Variants in ARMC5 observed in about 807,000 individuals in gnomAD.
ARMC5 encodes armadillo repeat containing 5, also known as armadillo repeat-containing protein 5.
ARMC5 carries 28 observed loss-of-function variants against 60.5 expected under a neutral mutation model. That is an observed-to-expected ratio of 0.46 (90% CI 0.34 to 0.63). ARMC5 has a LOEUF of 0.63. Among genes scored for constraint, ARMC5 ranks in the 30% least tolerant of loss-of-function variants. The probability of loss-of-function intolerance (pLI) is 0.01; values close to 1 mark genes in which losing one functional copy is unlikely to be tolerated. For synonymous variants in ARMC5, 680 were observed against 607.3 expected, an observed-to-expected ratio of 1.12 and a Z score of -1.76; for missense variants, 1,189 against 1,304.9, an observed-to-expected ratio of 0.91 and a Z score of 1.37.
rs538523414 is a variant in ARMC5, at chr16:31,465,786, C to T, written c.1865-64C>T. 13 of 1,597,168 alleles carry T rather than the reference C, an allele frequency of 8.1e-6. No homozygotes were observed. The Admixed American group carries it at 1.2e-4, about 15-fold the overall frequency. ...TCCTTCATCTCACGGGCCCAGAGCC[C>T]TGTCTCACTCACCCCACCTGTCTTA... is the stretch of plus-strand genomic sequence containing the variant. On this transcript the variant is annotated intron_variant, in intron 4 of 5. Transcript: ENST00000268314.
Position 31,466,655 on chromosome 16 carries a change from C to T in ARMC5, c.2574C>T (p.Ile858=). The T allele has an allele frequency of 6.3e-7, 1 of 1,585,416 alleles. No individual in the cohort carries two copies. The highest frequency in any genetic ancestry group is 8.6e-7 in the Non-Finnish European group (1 of 1,166,190). Residue 858 remains isoleucine (I), a synonymous_variant, in exon 6 of 6, where the codon ATC becomes ATT. Coordinates refer to ENST00000268314, the MANE Select transcript of ARMC5 (RefSeq NM_001105247.2). The surrounding 1 kb of genome is among the most constrained non-coding windows in gnomAD (Gnocchi z 8.0). Reference sequence around the variant, plus strand: ...AGCTGGAAGAGGCCGTGGGCCGCATCCACCTGGGACCCCAGGGTGGCCCGG... The same window carrying T: ...AGCTGGAAGAGGCCGTGGGCCGCATTCACCTGGGACCCCAGGGTGGCCCGG... ...EEELEEAVGR[I]HLGPQGGPES... is the part of the protein sequence containing the mutation.
Position 31,464,988 on chromosome 16 carries a change from C to T in ARMC5, c.1864+101C>T, listed in dbSNP as rs112022915. ...AACCTCACCTTCCCACTCACCTGTC[C>T]TCCCCAGCCCGTCCTCCAGACAACC... On this transcript the variant is annotated intron_variant, in intron 4 of 5. Coordinates refer to ENST00000268314, the MANE Select transcript of ARMC5 (RefSeq NM_001105247.2). The surrounding 1 kb of genome is among the most constrained non-coding windows in gnomAD (Gnocchi z 7.6). 22 of 1,610,774 alleles carry T rather than the reference C, an allele frequency of 1.4e-5. No individual in the cohort carries two copies. The highest frequency in any genetic ancestry group is 9.3e-5 in the African/African-American group (7 of 74,970).
upstream of ARMC5, chr16:31,459,399 A>G: frequency 6.5e-7 from 1 of 1,537,408 alleles, no homozygotes; most frequent in South Asian, 1.2e-5. Context: ...ACAACTTCCG[A>G]CTTGCATCAC....
In ARMC5 at chr16:31,464,800, C is replaced by T. The variant is rs587777662; in HGVS notation, c.1777C>T (p.Arg593Trp). ...GCGCAGCTATGGCGCGGCGCTGCTG[C>T]GGGCCTGGCTGGTGCTGGGGGTGGC... ...FVRSYGAALL[R>W]AWLVLGVAPD... The change falls in exon 4 of 6, where the codon CGG becomes TGG. Residue 593 changes from arginine (R) to tryptophan (W), a missense_variant. By Grantham distance (101) the Arg-to-Trp change is moderately radical. Around this residue, in one of 2 missense-constraint regions of ARMC5, gnomAD observed 862 missense variants for 1,071.2 expected, o/e 0.80. Transcript: ENST00000268314. The surrounding 1 kb of genome is among the most constrained non-coding windows in gnomAD (Gnocchi z 7.6). The T allele has an allele frequency of 5.6e-6, 9 of 1,598,140 alleles. No individual in the cohort carries two copies. Among genetic ancestry groups the T allele is most frequent in the African/African-American group, 4.0e-5 (3 of 74,854 alleles).
chr16:31,461,048 C>T (rs1435018167), intron 1 of ARMC5, among the ~76,000 whole-genome samples: 1 of 152,128 alleles, frequency 6.6e-6, no homozygotes. Context: ...TAAATAACCC[C>T]CATCATTCAG....
At chr16:31,465,399 G>A in intron 4 of ARMC5, 5 of 1,224,124 alleles carry the variant, frequency 4.1e-6, no homozygotes, top group Non-Finnish European at 5.4e-6. Context: ...ACCTCACTAT[G>A]TCCCCTCAGC....
At chr16:31,459,324 G>A (rs1270023251), upstream of ARMC5, 3 of 1,535,018 alleles carry the variant, frequency 2.0e-6, no homozygotes, top group South Asian at 1.2e-5. Flanking sequence ...CACGTCCCAG[G>A]ATGCGCTGCG....
intron 3 of ARMC5, among the ~76,000 whole-genome samples, chr16:31,463,231 T>C (rs962506054): frequency 4.6e-5 from 7 of 152,020 alleles, no homozygotes; most frequent in African/African-American, 1.7e-4. Flanking sequence ...CCCGAGTAGC[T>C]GGGATTACAG....
chr16:31,462,956 C>T lies in ARMC5; in HGVS notation c.1370+39C>T, dbSNP rs376981248. ...TCAGGGCTTGGGAGGGTGAGCAGTG[C>T]AGTGATGTGGGGTTTGTGTCTGTCT... On this transcript the variant is annotated intron_variant, in intron 3 of 5. Transcript: ENST00000268314. The surrounding 1 kb of genome is among the most constrained non-coding windows in gnomAD (Gnocchi z 7.2). 5.4e-6 allele frequency: 8 copies of T among 1,490,354 alleles called. No homozygotes were observed. Among genetic ancestry groups the T allele is most frequent in the Non-Finnish European group, 6.3e-6 (7 of 1,118,866 alleles). 92.3% of individuals were successfully genotyped at this position (1,490,354 alleles called of 1,614,324 possible). A position where few individuals can be genotyped will look rare whatever the true frequency, so the allele number is the denominator to read the frequency against.
Position 31,462,398 on chromosome 16 carries a change from G to T in ARMC5, c.851G>T (p.Gly284Val). 1 of 1,609,636 alleles carries T rather than the reference G, an allele frequency of 6.2e-7. No homozygotes were observed. The change falls in exon 3 of 6, where the codon GGC (glycine) becomes GTC (valine). Residue 284 changes from glycine to valine, a missense_variant. Physicochemically the swap from Gly to Val is moderately radical, Grantham distance 109. Coordinates refer to ENST00000268314, the MANE Select transcript of ARMC5 (RefSeq NM_001105247.2). This position sits in a 1 kb window ranked among gnomAD's most constrained non-coding sequence, Gnocchi z 7.2. ...AEQLSLGGGL[G>V]PLVSLASHPK... The stretch of plus-strand genomic sequence containing the variant: ...CAGCTAAGTCTGGGTGGGGGATTGG[G>T]CCCACTCGTCAGCCTGGCTTCCCAC...
rs760651878 is a variant in ARMC5, at chr16:31,466,428, G to A, written c.2347G>A (p.Ala783Thr). ...CCGGGCCCTGCTGTCAGGCAGCTTT[G>A]CAGAAGCCCAGATGGACCTGGTGCC... is the stretch of plus-strand genomic sequence containing the variant. ...FFRALLSGSF[A>T]EAQMDLVPLR... The change falls in exon 6 of 6, where the codon GCA becomes ACA. Residue 783 changes from alanine to threonine, a missense_variant. Ala to Thr is a moderately conservative substitution (Grantham distance 58). Coordinates refer to ENST00000268314, the MANE Select transcript of ARMC5 (RefSeq NM_001105247.2). The surrounding 1 kb of genome is among the most constrained non-coding windows in gnomAD (Gnocchi z 8.0). The A allele has an allele frequency of 6.2e-7, 1 of 1,612,040 alleles. No homozygotes were observed. The highest frequency in any genetic ancestry group is 8.5e-7 in the Non-Finnish European group (1 of 1,179,834).
Position 31,464,270 on chromosome 16 carries a change from A to C in ARMC5, c.1371-124A>C. 1 of 839,632 alleles carries C rather than the reference A, an allele frequency of 1.2e-6. No individual in the cohort carries two copies. The highest frequency in any genetic ancestry group is 1.7e-6 in the Non-Finnish European group (1 of 589,400). 52.0% of individuals were successfully genotyped at this position (839,632 alleles called of 1,614,324 possible). On this transcript the variant is annotated intron_variant, in intron 3 of 5. Transcript: ENST00000268314. This position sits in a 1 kb window ranked among gnomAD's most constrained non-coding sequence, Gnocchi z 7.6. ...CCACAACTGCATTCCAGCCTGGGCTATAGAGGGATACCACATTTCTTTAAA... is the reference window on the plus strand; with the variant it reads ...CCACAACTGCATTCCAGCCTGGGCTCTAGAGGGATACCACATTTCTTTAAA...
chr16:31,461,719 G>A (rs1266509849), intron 1 of ARMC5, among the ~76,000 whole-genome samples: 1 of 152,258 alleles, frequency 6.6e-6, no homozygotes, highest in East Asian at 1.9e-4. Context: ...CGTTGGCCAG[G>A]CTGGTCTTGA....
In ARMC5 at chr16:31,464,537, G is replaced by C. The variant is rs200852513; in HGVS notation, c.1514G>C (p.Arg505Pro). The C allele has an allele frequency of 6.3e-7, 1 of 1,592,480 alleles. No homozygotes were observed. Among genetic ancestry groups the C allele is most frequent in the Admixed American group, 1.7e-5 (1 of 57,416 alleles). ...TCGCTGCGGGCACCACGCACCCAAC[G>C]CACTCCGGGCCGCAGCCCCGCCGCC... is the stretch of plus-strand genomic sequence containing the variant. The part of the protein sequence containing the change: ...PTSLRAPRTQ[R>P]TPGRSPAAAI... The change falls in exon 4 of 6, where the codon CGC (arginine) becomes CCC (proline). Residue 505 changes from arginine to proline, a missense_variant. Around this residue, in one of 2 missense-constraint regions of ARMC5, gnomAD observed 862 missense variants for 1,071.2 expected, o/e 0.80. Coordinates refer to ENST00000268314, the MANE Select transcript of ARMC5 (RefSeq NM_001105247.2). The surrounding 1 kb of genome is among the most constrained non-coding windows in gnomAD (Gnocchi z 7.6).
chr16:31,460,752 A>G (rs992819545), intron 1 of ARMC5, among the ~76,000 whole-genome samples: 1 of 152,208 alleles, frequency 6.6e-6, no homozygotes, highest in African/African-American at 2.4e-5. Flanking sequence ...AGAAAACCAA[A>G]CAAATCAGTA....
chr16:31,462,801 G>A lies in ARMC5; in HGVS notation c.1254G>A (p.Gly418=), dbSNP rs1178099052. 3.7e-6 allele frequency: 6 copies of A among 1,613,910 alleles called. No individual in the cohort carries two copies. The highest frequency in any genetic ancestry group is 1.3e-5 in the African/African-American group (1 of 74,916). The change falls in exon 3 of 6, where the codon GGG becomes GGA. Residue 418 remains glycine, a synonymous_variant. Transcript: ENST00000268314. The surrounding 1 kb of genome is among the most constrained non-coding windows in gnomAD (Gnocchi z 7.2). ...TGGGACTTGTGCCTCTCCTGGCTGG[G>A]CAGCTGTGTGGTGAGGCTGGTGAGG... ...QALGLVPLLA[G]QLCGEAGEEE...
At chr16:31,460,254 C>T (rs1004530272) in intron 1 of ARMC5, 1 of 487,656 alleles carries the variant, frequency 2.1e-6, no homozygotes, top group African/African-American at 2.1e-5. Context: ...CGAAGCTGGA[C>T]TAGCGGAGGC....
chr16:31,462,586 C>T lies in ARMC5; in HGVS notation c.1039C>T (p.Pro347Ser), dbSNP rs79238971. ...TGGAGCTAGCCCAACCTCCCAGCAG[C>T]CCCTGGTGCGGGCTGTGTGCCTCCT... is the stretch of plus-strand genomic sequence containing the variant. ...PNGASPTSQQ[P>S]LVRAVCLLCR... Residue 347 changes from proline (P) to serine (S), a missense_variant, in exon 3 of 6, where the codon CCC (proline) becomes TCC (serine). Around this residue, in one of 2 missense-constraint regions of ARMC5, gnomAD observed 862 missense variants for 1,071.2 expected, o/e 0.80. Coordinates refer to ENST00000268314, the MANE Select transcript of ARMC5 (RefSeq NM_001105247.2). The surrounding 1 kb of genome is among the most constrained non-coding windows in gnomAD (Gnocchi z 7.2). The T allele has an allele frequency of 1.4e-4, 231 of 1,612,764 alleles. No individual in the cohort carries two copies. In the East Asian group the frequency reaches 5.1e-3, roughly 35 times the overall value.
chr16:31,460,108 T>C (rs2082291605), intron 1 of ARMC5, 109 bp downstream of exon 1: 6 of 1,204,328 alleles, frequency 5.0e-6, no homozygotes, highest in Non-Finnish European at 4.7e-6. Flanking sequence ...TAACGTGCTT[T>C]GTGATGGCGC....
Sources: allele counts gnomAD v4.1 joint callset (sites outside exome capture counted in the v4.1 genomes callset), GRCh38; gene constraint gnomAD v4.1.1; regional missense constraint gnomAD v4.1.1; non-coding constraint Gnocchi (gnomAD v3.1); transcripts MANE v1.5; gene names NCBI Gene and HGNC (gene_info 2026-07-23, HGNC 2026-07-21).